Variants in CRPPA observed in about 807,000 individuals in gnomAD.
The protein encoded by CRPPA is D-ribitol-5-phosphate cytidylyltransferase.
CRPPA carries 43 observed loss-of-function variants against 52.0 expected under a neutral mutation model. The observed-to-expected ratio is 0.83, with a 90% CI of 0.65 to 1.07. The LOEUF is 1.07. Ranked by LOEUF, CRPPA falls within the 50% of genes least tolerant of loss-of-function variation. The pLI is 0.00. For missense variants in CRPPA, 629 were observed against 551.7 expected (o/e 1.14, Z -1.40); for synonymous variants, 250 against 203.5 (o/e 1.23, Z -1.94).
intron 9 of CRPPA, among the ~76,000 whole-genome samples, chr7:16,154,387 C>G (rs1463561522): frequency 6.6e-6 from 1 of 152,038 alleles, no homozygotes; most frequent in East Asian, 1.9e-4. Context: ...GTGTTCCCCT[C>G]TCTGTGTCCA....
At chr7:16,402,872 T>C (rs1432271248) in intron 2 of CRPPA, among the ~76,000 whole-genome samples, 1 of 152,100 alleles carries the variant, frequency 6.6e-6, no homozygotes, top group African/African-American at 2.4e-5. Context: ...GCAGAATCAA[T>C]ATTCAAATTA....
chr7:16,407,233 C>T (rs1787975640), intron 1 of CRPPA, among the ~76,000 whole-genome samples: 1 of 152,156 alleles, frequency 6.6e-6, no homozygotes, highest in South Asian at 2.1e-4. Context: ...CCACCTCAGC[C>T]TCCCAAAGTG....
intron 2 of CRPPA, among the ~76,000 whole-genome samples, chr7:16,382,372 G>C (rs1787118650): frequency 6.6e-6 from 1 of 152,232 alleles, no homozygotes; most frequent in African/African-American, 2.4e-5. Context: ...CTGTTAGTCT[G>C]ATGGGCTTCC....
chr7:16,310,264 T>G (rs1293749006), intron 3 of CRPPA, among the ~76,000 whole-genome samples: 1 of 151,498 alleles, frequency 6.6e-6, no homozygotes, highest in Non-Finnish European at 1.5e-5. Context: ...GAAAACAGTG[T>G]CTAACAGCCT....
In CRPPA at chr7:16,091,525, C is replaced by G. The variant is rs1277359473; in HGVS notation, c.*170G>C. 2.0e-6 allele frequency: 1 copy of G among 498,892 alleles called. No homozygotes were observed. Among genetic ancestry groups the G allele is most frequent in the African/African-American group, 2.0e-5 (1 of 48,910 alleles). 30.9% of individuals were successfully genotyped at this position (498,892 alleles called of 1,614,324 possible). ...TCATACACAAAAGTATTCTTTATTT[C>G]ACAGATATAAACATTAATCTGCTTT... On this transcript the variant is annotated 3_prime_UTR_variant, in exon 10 of 10. Coordinates refer to ENST00000407010, the MANE Select transcript of CRPPA (RefSeq NM_001101426.4).
At chr7:16,367,009 C>T (rs541773457) in intron 3 of CRPPA, among the ~76,000 whole-genome samples, 2 of 152,148 alleles carry the variant, frequency 1.3e-5, no homozygotes, top group Admixed American at 6.5e-5. Context: ...TTTGCAAATA[C>T]TTTCACTAAA....
chr7:16,155,007 CAG>C (rs1783150343), intron 9 of CRPPA, among the ~76,000 whole-genome samples: 1 of 143,336 alleles, frequency 7.0e-6, no homozygotes, highest in African/African-American at 2.6e-5. Context: ...TTAGTAGAGA[CAG>C]GGTTTCACCA....
chr7:16,093,204 T>C (rs191331656), intron 9 of CRPPA, among the ~76,000 whole-genome samples: 22 of 152,268 alleles, frequency 1.4e-4, no homozygotes, highest in Admixed American at 5.2e-4. Flanking sequence ...AACACTTTGC[T>C]CAATGCCTAA....
chr7:16,197,248 G>A (rs1781759932), intron 9 of CRPPA, among the ~76,000 whole-genome samples: 1 of 152,136 alleles, frequency 6.6e-6, no homozygotes, highest in South Asian at 2.1e-4. Context: ...AAGTATATGT[G>A]ATTTAAGTTT....
rs200614143 is a variant in CRPPA, at chr7:16,361,994, ACAGGCACCTGC to A, written c.684+14087_684+14097del. Among the ~76,000 whole-genome samples, 626 of 152,180 alleles carry A rather than the reference ACAGGCACCTGC, an allele frequency of 4.1e-3. 28 individuals are homozygous for A. In the East Asian group the frequency reaches 0.098, roughly 24 times the overall value. Reference sequence around the variant, plus strand: ...CTCAGCCTCCCGAGTAGCTGGGACTACAGGCACCTGCCATCACGCCCAGTTAATTTTTTGTA... The same window carrying A: ...CTCAGCCTCCCGAGTAGCTGGGACTACATCACGCCCAGTTAATTTTTTGTA... On this transcript the variant is annotated intron_variant, in intron 3 of 9. Transcript: ENST00000407010.
chr7:16,402,499 G>T (rs190831255), intron 2 of CRPPA, among the ~76,000 whole-genome samples: 286 of 152,210 alleles, frequency 1.9e-3, no homozygotes, highest in African/African-American at 6.2e-3. Context: ...AAAGTAAACA[G>T]AAATGAAGAG....
At chr7:16,142,946 C>A (rs1175645039) in intron 9 of CRPPA, among the ~76,000 whole-genome samples, 1 of 152,000 alleles carries the variant, frequency 6.6e-6, no homozygotes, top group African/African-American at 2.4e-5. Flanking sequence ...AAATCAAGAA[C>A]AAAATAATTA....
At chr7:16,312,528 G>A (rs1785056662) in intron 3 of CRPPA, among the ~76,000 whole-genome samples, 1 of 151,788 alleles carries the variant, frequency 6.6e-6, no homozygotes, top group Non-Finnish European at 1.5e-5. Context: ...TTCCCATACA[G>A]ACAATCATGT....
At chr7:16,362,173 A>C (rs1453950291) in intron 3 of CRPPA, among the ~76,000 whole-genome samples, 5 of 152,220 alleles carry the variant, frequency 3.3e-5, no homozygotes, top group Non-Finnish European at 5.9e-5. Flanking sequence ...ACTTTTTAAA[A>C]GAGTGCATGT....
intron 2 of CRPPA, among the ~76,000 whole-genome samples, chr7:16,378,523 G>T (rs997788382): frequency 1.1e-3 from 168 of 151,860 alleles, no homozygotes; most frequent in African/African-American, 3.9e-3. Context: ...TTGGACATTT[G>T]GGTTGGTTCC....
intron 2 of CRPPA, among the ~76,000 whole-genome samples, chr7:16,399,637 G>C (rs1163283574): frequency 6.6e-6 from 1 of 151,912 alleles, no homozygotes; most frequent in Non-Finnish European, 1.5e-5. Flanking sequence ...ATCGACACAT[G>C]ATCGACATGT....
At chr7:16,141,587 T>C (rs890276914) in intron 9 of CRPPA, among the ~76,000 whole-genome samples, 8 of 152,346 alleles carry the variant, frequency 5.3e-5, no homozygotes, top group Non-Finnish European at 7.3e-5. Context: ...TATTCTATCA[T>C]TCGCTGTAAT....
chr7:16,107,457 G>A (rs1782180002), intron 9 of CRPPA, among the ~76,000 whole-genome samples: 1 of 151,844 alleles, frequency 6.6e-6, no homozygotes, highest in South Asian at 2.1e-4. Context: ...GGAGAAAATG[G>A]GATGATATAT....
Position 16,406,320 on chromosome 7 carries a change from TC to T in CRPPA, c.274del (p.Asp92ThrfsTer6). The T allele has an allele frequency of 6.2e-7, 1 of 1,613,562 alleles. No individual in the cohort carries two copies. Among genetic ancestry groups the T allele is most frequent in the African/African-American group, 1.3e-5 (1 of 75,054 alleles). On this transcript the variant is annotated frameshift_variant, in exon 2 of 10. Transcript: ENST00000407010. LOFTEE classifies it high-confidence loss of function. ...QALERVCWIKDIVVAVTGENM... is the reference protein window; with the variant it reads ...QALERVCWIKXIVVAVTGENM... ...CTCTCCAGTTACTGCCACAACAATGTCCTTTATCCAACATACTCTAAAAGGA... is the reference window on the plus strand; with the variant it reads ...CTCTCCAGTTACTGCCACAACAATGTCTTTATCCAACATACTCTAAAAGGA...
Sources: gnomAD v4.1 joint callset for allele counts (sites outside exome capture counted in the v4.1 genomes callset) on GRCh38, gnomAD v4.1.1 for gene constraint, MANE v1.5 for transcripts, NCBI Gene and HGNC (gene_info 2026-07-23, HGNC 2026-07-21) for gene names.